The following SIPA1L3 variants were observed in gnomAD, a reference collection of about 807,000 sequenced individuals.
SIPA1L3 encodes signal induced proliferation associated 1 like 3.
SIPA1L3 carries 59 observed loss-of-function variants against 150.1 expected under a neutral mutation model. The ratio of observed to expected loss-of-function variants is 0.39; its 90% CI spans 0.32 to 0.49. SIPA1L3 has a LOEUF of 0.49. Ranked by LOEUF, SIPA1L3 falls within the 20% of genes least tolerant of loss-of-function variation. The pLI is 0.86. For missense variants in SIPA1L3, 2,211 were observed against 2,489.5 expected, an observed-to-expected ratio of 0.89 and a Z score of 2.38; for synonymous variants, 1,070 against 1,077.6, an observed-to-expected ratio of 0.99 and a Z score of 0.14.
intron 1 of SIPA1L3, among the ~76,000 whole-genome samples, chr19:37,995,954 C>G (rs1281377696): frequency 6.6e-6 from 1 of 152,162 alleles, no homozygotes; most frequent in Non-Finnish European, 1.5e-5. Context: ...CTAGGTCTGT[C>G]ACCCAGGCTG....
At chr19:37,925,341 C>T (rs971806417) in intron 1 of SIPA1L3, among the ~76,000 whole-genome samples, 2 of 152,120 alleles carry the variant, frequency 1.3e-5, no homozygotes, top group Admixed American at 6.6e-5. Flanking sequence ...GAAGGGTGGC[C>T]AGGGATGGCC....
At chr19:37,917,891 G>C (rs1273564887) in intron 1 of SIPA1L3, among the ~76,000 whole-genome samples, 4 of 152,060 alleles carry the variant, frequency 2.6e-5, no homozygotes, top group Non-Finnish European at 5.9e-5. Context: ...TGTGGTCCCA[G>C]CTACATGGGT....
chr19:38,098,513 G>A (rs1970430757), intron 4 of SIPA1L3, among the ~76,000 whole-genome samples: 1 of 150,782 alleles, frequency 6.6e-6, no homozygotes, highest in Non-Finnish European at 1.5e-5. Context: ...TCCTGCCACA[G>A]CCTCCTGAGT....
chr19:38,132,580 G>A (rs1452894856), intron 10 of SIPA1L3, among the ~76,000 whole-genome samples: 5 of 105,468 alleles, frequency 4.7e-5, no homozygotes, highest in East Asian at 6.3e-4. Flanking sequence ...ATGAAGCTAC[G>A]TCTCAAAAAA....
rs1457749469 is a variant in SIPA1L3 at position 38,194,298 on chromosome 19, CA to C, written c.4840+522del. On this transcript the variant is annotated intron_variant, in intron 18 of 21. Transcript: ENST00000222345. ...CAGGTACTGCGCACACCACCCGCATCAAAAGCCACGAGCCAGCTGGAGTTGG... is the reference window on the plus strand; with the variant it reads ...CAGGTACTGCGCACACCACCCGCATCAAAGCCACGAGCCAGCTGGAGTTGG... Among the ~76,000 whole-genome samples the C allele has an allele frequency of 3.3e-5, 5 of 152,144 alleles. 1 individual carries two copies. The highest frequency in any genetic ancestry group is 1.2e-4 in the African/African-American group (5 of 41,418).
intron 4 of SIPA1L3, among the ~76,000 whole-genome samples, chr19:38,094,291 T>C (rs528645785): frequency 6.6e-6 from 1 of 152,160 alleles, no homozygotes; most frequent in African/African-American, 2.4e-5. Flanking sequence ...CTCTGTCCCC[T>C]GGGCTGAAGT....
chr19:38,102,049 C>CTT (rs552210592), intron 6 of SIPA1L3, among the ~76,000 whole-genome samples: 44 of 137,128 alleles, frequency 3.2e-4, no homozygotes, highest in African/African-American at 1.0e-3. Flanking sequence ...CTTTTCTTTT[C>CTT]TTTTTTTTTT....
At chr19:37,952,406 C>T (rs1160385054) in intron 1 of SIPA1L3, among the ~76,000 whole-genome samples, 1 of 152,188 alleles carries the variant, frequency 6.6e-6, no homozygotes, top group African/African-American at 2.4e-5. Flanking sequence ...GGCGCAGTGG[C>T]TCATGCCTGT....
intron 6 of SIPA1L3, among the ~76,000 whole-genome samples, chr19:38,103,775 G>A (rs1006943488): frequency 2.6e-5 from 4 of 151,428 alleles, no homozygotes; most frequent in East Asian, 1.9e-4. Flanking sequence ...ACAGGCGAGC[G>A]CCTGTAGTCC....
At chr19:38,088,571 G>A (rs183472869) in intron 3 of SIPA1L3, 150 bp from the exon 4 acceptor site, 1 of 905,888 alleles carries the variant, frequency 1.1e-6, no homozygotes, top group Non-Finnish European at 1.6e-6. Context: ...TCCACTGGGG[G>A]TGTCTGTGAC....
At chr19:38,149,689 C>T (rs1971777062) in intron 12 of SIPA1L3, among the ~76,000 whole-genome samples, 1 of 152,166 alleles carries the variant, frequency 6.6e-6, no homozygotes, top group Non-Finnish European at 1.5e-5. Context: ...GGTGGTGAGG[C>T]AAAGGCATCC....
chr19:38,070,931 A>T (rs1275899004), intron 2 of SIPA1L3, among the ~76,000 whole-genome samples: 1 of 152,190 alleles, frequency 6.6e-6, no homozygotes, highest in Admixed American at 6.6e-5. Context: ...CCTGAAAGGG[A>T]GATGCTTGGA....
At chr19:37,923,769 CT>C (rs1005267984) in intron 1 of SIPA1L3, among the ~76,000 whole-genome samples, 6 of 141,600 alleles carry the variant, frequency 4.2e-5, no homozygotes, top group African/African-American at 1.3e-4. Context: ...TTTTTTTTTT[CT>C]TTTTTTTGAG....
chr19:38,182,775 G>A, intron 16 of SIPA1L3, 35 bp downstream of exon 16: 1 of 1,544,042 alleles, frequency 6.5e-7, no homozygotes, highest in South Asian at 1.1e-5. Flanking sequence ...GCGCCCGCCA[G>A]ATCCACACCA....
At chr19:38,131,097 C>A (rs941153176) in intron 10 of SIPA1L3, among the ~76,000 whole-genome samples, 8 of 152,250 alleles carry the variant, frequency 5.3e-5, no homozygotes, top group African/African-American at 1.9e-4. Context: ...CCCCACACTT[C>A]ATTCATTTGT....
chr19:37,997,864 CAA>C (rs967452351), intron 1 of SIPA1L3, among the ~76,000 whole-genome samples: 13 of 69,228 alleles, frequency 1.9e-4, no homozygotes, highest in Non-Finnish European at 2.1e-4. Flanking sequence ...GACTCCATCT[CAA>C]AAAAAAAAAA....
At chr19:37,995,825 G>A (rs1967628148) in intron 1 of SIPA1L3, among the ~76,000 whole-genome samples, 1 of 152,198 alleles carries the variant, frequency 6.6e-6, no homozygotes, top group Admixed American at 6.5e-5. Context: ...CGTGCCATTG[G>A]GGCTCTCCTT....
chr19:38,105,475 T>A (rs1004770977), intron 6 of SIPA1L3, among the ~76,000 whole-genome samples: 1 of 152,152 alleles, frequency 6.6e-6, no homozygotes, highest in African/African-American at 2.4e-5. Flanking sequence ...ATGCCTCAGT[T>A]TCCCACTCTG....
intron 15 of SIPA1L3, among the ~76,000 whole-genome samples, chr19:38,181,820 T>C (rs1600180126): frequency 7.4e-6 from 1 of 135,984 alleles, no homozygotes; most frequent in Non-Finnish European, 1.5e-5. Flanking sequence ...CACTCCAGCC[T>C]GGGCAACAGA....
Sources: allele counts gnomAD v4.1 joint callset (sites outside exome capture counted in the v4.1 genomes callset), GRCh38; gene constraint gnomAD v4.1.1; transcripts MANE v1.5; gene names NCBI Gene and HGNC (gene_info 2026-07-23, HGNC 2026-07-21).